The following LAMA2 variants were observed in gnomAD, a reference collection of about 807,000 sequenced individuals.
LAMA2 encodes laminin subunit alpha-2.
Under a neutral mutation model 364.8 loss-of-function variants are expected in LAMA2, and 269 were observed. That is an observed-to-expected ratio of 0.74 (90% CI 0.67 to 0.82). LAMA2 has a LOEUF of 0.82. Ranked by LOEUF, LAMA2 falls within the 40% of genes least tolerant of loss-of-function variation. The pLI is 0.00. For missense variants in LAMA2, 3,807 were observed against 3,873.2 expected, an observed-to-expected ratio of 0.98 and a Z score of 0.45; for synonymous variants, 1,379 against 1,370.6, an observed-to-expected ratio of 1.01 and a Z score of -0.14.
chr6:128,915,956 GCTAATTAGTCA>G, intron 1 of LAMA2, among the ~76,000 whole-genome samples: 1 of 152,130 alleles, frequency 6.6e-6, no homozygotes, highest in South Asian at 2.1e-4. Context: ...GTGTAATACA[GCTAATTAGTCA>G]CTATTTTAAA....
chr6:129,228,905 T>A (rs1784499979), intron 12 of LAMA2, among the ~76,000 whole-genome samples: 1 of 152,228 alleles, frequency 6.6e-6, no homozygotes, highest in Admixed American at 6.5e-5. Flanking sequence ...ATTACAAAAG[T>A]AATTTTAAGA....
At chr6:129,303,146 G>GT (rs774286625) in intron 22 of LAMA2, among the ~76,000 whole-genome samples, 3 of 152,052 alleles carry the variant, frequency 2.0e-5, no homozygotes, top group Non-Finnish European at 1.5e-5. Context: ...AATGTTTGTA[G>GT]TTTTTGATGT....
intron 12 of LAMA2, among the ~76,000 whole-genome samples, chr6:129,247,304 A>G (rs1785818287): frequency 6.6e-6 from 1 of 152,110 alleles, no homozygotes; most frequent in Non-Finnish European, 1.5e-5. Flanking sequence ...ACAAAAAATT[A>G]TGCAGTCATG....
chr6:129,425,355 G>A (rs551312645), intron 40 of LAMA2, among the ~76,000 whole-genome samples: 3 of 151,948 alleles, frequency 2.0e-5, no homozygotes, highest in African/African-American at 7.2e-5. Flanking sequence ...TTTCACTGTT[G>A]TTTGGGCCAT....
intron 15 of LAMA2, among the ~76,000 whole-genome samples, chr6:129,263,293 A>G (rs570968833): frequency 1.1e-3 from 173 of 152,292 alleles, no homozygotes; most frequent in African/African-American, 3.9e-3. Flanking sequence ...CATTAACGAT[A>G]TGCCAGAAAG....
At chr6:128,957,836 ATT>A (rs10652900) in intron 1 of LAMA2, among the ~76,000 whole-genome samples, 262 of 51,266 alleles carry the variant, frequency 5.1e-3, no homozygotes, top group African/African-American at 0.018. Context: ...TACTTCATGC[ATT>A]TTTTTTTTTT....
intron 1 of LAMA2, among the ~76,000 whole-genome samples, chr6:128,902,679 TTTG>T (rs1486549168): frequency 4.6e-5 from 7 of 152,122 alleles, no homozygotes; most frequent in South Asian, 2.1e-4. Flanking sequence ...GGAGGGTGTT[TTTG>T]TTGTTGTTGT....
At chr6:128,971,889 C>T (rs1782211130) in intron 1 of LAMA2, among the ~76,000 whole-genome samples, 2 of 152,118 alleles carry the variant, frequency 1.3e-5, no homozygotes, top group Admixed American at 1.3e-4. Flanking sequence ...CTGGAAGTCT[C>T]AGGGTCAGGA....
intron 8 of LAMA2, among the ~76,000 whole-genome samples, chr6:129,155,165 T>A (rs1779033472): frequency 6.6e-6 from 1 of 152,170 alleles, no homozygotes; most frequent in Admixed American, 6.5e-5. Context: ...GAAATTAGGA[T>A]CATTTCCAGT....
At chr6:129,167,465 T>A (rs1453194182) in intron 9 of LAMA2, among the ~76,000 whole-genome samples, 2 of 152,014 alleles carry the variant, frequency 1.3e-5, no homozygotes, top group Non-Finnish European at 2.9e-5. Context: ...TCCAATTTCA[T>A]CCATGTCCCT....
chr6:129,387,098 A>G (rs1481926947), intron 35 of LAMA2, among the ~76,000 whole-genome samples: 1 of 150,912 alleles, frequency 6.6e-6, no homozygotes, highest in Admixed American at 6.6e-5. Context: ...GATGTCCTAT[A>G]GAAACTTTAT....
intron 22 of LAMA2, among the ~76,000 whole-genome samples, chr6:129,305,648 A>AGT (rs369064513): frequency 2.2e-3 from 334 of 151,820 alleles, no homozygotes; most frequent in African/African-American, 6.5e-3. Context: ...AGAGAGAGAG[A>AGT]GTGTGTGTGT....
At chr6:129,071,277 A>G (rs1432124222) in intron 3 of LAMA2, among the ~76,000 whole-genome samples, 1 of 151,910 alleles carries the variant, frequency 6.6e-6, no homozygotes, top group Non-Finnish European at 1.5e-5. Context: ...TTTATTCCAG[A>G]TATTGTTGTG....
intron 1 of LAMA2, among the ~76,000 whole-genome samples, chr6:128,942,706 T>A (rs1780231906): frequency 6.6e-6 from 1 of 152,112 alleles, no homozygotes; most frequent in African/African-American, 2.4e-5. Context: ...TAATATGTAG[T>A]CTTATTTTGG....
At position 129,512,587 on chromosome 6, in the gene LAMA2, C is replaced by G. The variant is rs1269488670; in HGVS notation, c.8988+94C>G. The G allele has an allele frequency of 7.3e-6, 10 of 1,374,660 alleles. 1 individual carries two copies. In the Admixed American group the frequency reaches 1.7e-4, roughly 23 times the overall value. The allele number at this position is 1,374,660 out of a possible 1,614,324, so 85.2% of individuals were successfully genotyped here. A position where few individuals can be genotyped will look rare whatever the true frequency, so the allele number is the denominator to read the frequency against. ...TGTGGGAAACTCGAATATTTTGAAGCCCGGCTGTATTCTTTGTTGGGAGAA... is the reference window on the plus strand; with the variant it reads ...TGTGGGAAACTCGAATATTTTGAAGGCCGGCTGTATTCTTTGTTGGGAGAA... On this transcript the variant is annotated intron_variant, in intron 63 of 64. Coordinates refer to ENST00000421865, the MANE Select transcript of LAMA2 (RefSeq NM_000426.4).
chr6:129,433,981 A>G (rs1781721329), intron 41 of LAMA2, among the ~76,000 whole-genome samples: 2 of 152,180 alleles, frequency 1.3e-5, no homozygotes, highest in Non-Finnish European at 2.9e-5. Flanking sequence ...AGGGACAGAA[A>G]TGACATTTGA....
intron 45 of LAMA2, among the ~76,000 whole-genome samples, chr6:129,447,806 A>G (rs1049377426): frequency 8.5e-5 from 13 of 152,214 alleles, no homozygotes; most frequent in African/African-American, 2.7e-4. Flanking sequence ...GGAAGAAGCA[A>G]TAAGAGTAAA....
At chr6:129,109,738 G>A (rs1308985910) in intron 4 of LAMA2, among the ~76,000 whole-genome samples, 2 of 151,862 alleles carry the variant, frequency 1.3e-5, no homozygotes, top group East Asian at 3.9e-4. Flanking sequence ...TAAACCAACA[G>A]GTAAATACAT....
Position 129,507,610 on chromosome 6 carries a change from C to T in LAMA2, c.8825C>T (p.Thr2942Ile). 1.9e-6 allele frequency: 3 copies of T among 1,614,170 alleles called. No individual in the cohort carries two copies. The highest frequency in any genetic ancestry group is 1.1e-5 in the South Asian group (1 of 91,088). ...TGTTTTGCAAATGCTCAGAGGGGAA[C>T]ATATTTTGACGGAACCGGTTTTGCC... ...GTCFANAQRGTYFDGTGFAKA... is the reference protein window; with the variant it reads ...GTCFANAQRGIYFDGTGFAKA... Residue 2942 changes from threonine (T) to isoleucine (I), a missense_variant, in exon 62 of 65, where the codon ACA becomes ATA. Thr to Ile is a moderately conservative substitution (Grantham distance 89, BLOSUM62 -1). Coordinates refer to ENST00000421865, the MANE Select transcript of LAMA2 (RefSeq NM_000426.4).
Sources: allele counts gnomAD v4.1 joint callset (sites outside exome capture counted in the v4.1 genomes callset), GRCh38; gene constraint gnomAD v4.1.1; transcripts MANE v1.5; gene names NCBI Gene and HGNC (gene_info 2026-07-23, HGNC 2026-07-21).